Variants in MYOZ2 observed in about 807,000 individuals in gnomAD.
MYOZ2 encodes myozenin-2.
Under a neutral mutation model 25.4 loss-of-function variants are expected in MYOZ2, and 19 were observed. The ratio of observed to expected loss-of-function variants is 0.75; its 90% CI spans 0.52 to 1.10. The LOEUF is 1.10. Among genes scored for constraint, MYOZ2 ranks in the 50% least tolerant of loss-of-function variants. The probability of loss-of-function intolerance (pLI) is 0.00; values close to 1 mark genes in which losing one functional copy is unlikely to be tolerated. For missense variants in MYOZ2, 270 were observed against 317.9 expected, an observed-to-expected ratio of 0.85 and a Z score of 1.15; for synonymous variants, 92 against 106.9, an observed-to-expected ratio of 0.86 and a Z score of 0.86.
At chr4:119,152,304 C>G (rs1251890967) in intron 3 of MYOZ2, among the ~76,000 whole-genome samples, 1 of 152,048 alleles carries the variant, frequency 6.6e-6, no homozygotes, top group Non-Finnish European at 1.5e-5. Flanking sequence ...ATAATCCCTA[C>G]CCCATCTGCT....
intron 5 of MYOZ2, among the ~76,000 whole-genome samples, chr4:119,170,384 T>G (rs1470662510): frequency 1.3e-5 from 2 of 152,078 alleles, no homozygotes. Context: ...AAATATTGAC[T>G]ACCACTAGGG....
In MYOZ2 at chr4:119,186,280, T is replaced by G; in HGVS notation, c.*80T>G. On this transcript the variant is annotated 3_prime_UTR_variant, in exon 6 of 6. Transcript: ENST00000307128. ...TATTTTAACTACTGGCAAAGCCACT[T>G]GCATTTTTCATTAGTAGCAACAATA... is the stretch of plus-strand genomic sequence containing the variant. The G allele has an allele frequency of 8.7e-7, 1 of 1,151,558 alleles. No homozygotes were observed. Among genetic ancestry groups the G allele is most frequent in the Non-Finnish European group, 1.3e-6 (1 of 787,980 alleles). The allele number at this position is 1,151,558 out of a possible 1,614,324, so 71.3% of individuals were successfully genotyped here. A position where few individuals can be genotyped will look rare whatever the true frequency, so the allele number is the denominator to read the frequency against.
At chr4:119,173,763 T>G (rs1203191640) in intron 5 of MYOZ2, among the ~76,000 whole-genome samples, 1 of 152,086 alleles carries the variant, frequency 6.6e-6, no homozygotes, top group Non-Finnish European at 1.5e-5. Context: ...CTCCCTCACC[T>G]CAGCTTGCAG....
intron 5 of MYOZ2, 64 bp downstream of exon 5, chr4:119,164,458 A>G: frequency 6.5e-7 from 1 of 1,537,958 alleles, no homozygotes; most frequent in South Asian, 1.1e-5. Context: ...ATCATGGTAC[A>G]GATAACTGAA....
At chr4:119,152,500 A>G (rs1337116978) in intron 3 of MYOZ2, among the ~76,000 whole-genome samples, 1 of 152,118 alleles carries the variant, frequency 6.6e-6, no homozygotes, top group Non-Finnish European at 1.5e-5. Flanking sequence ...TTTAACTACA[A>G]TTCTGAAGAA....
chr4:119,180,728 A>AT (rs1360708374), intron 5 of MYOZ2, among the ~76,000 whole-genome samples: 2 of 151,670 alleles, frequency 1.3e-5, no homozygotes, highest in African/African-American at 4.8e-5. Flanking sequence ...TAATTTTTGT[A>AT]TTTTTTTAGT....
At chr4:119,157,205 C>T (rs547060853) in intron 3 of MYOZ2, among the ~76,000 whole-genome samples, 2 of 151,954 alleles carry the variant, frequency 1.3e-5, no homozygotes, top group Admixed American at 6.6e-5. Flanking sequence ...ATGATTTGAC[C>T]TAATCGCTTC....
intron 5 of MYOZ2, among the ~76,000 whole-genome samples, chr4:119,164,776 A>C (rs1578738768): frequency 6.6e-6 from 1 of 152,276 alleles, no homozygotes; most frequent in Middle Eastern, 3.4e-3. Flanking sequence ...ATGCAAGGCT[A>C]TGAGAATTAC....
chr4:119,154,361 T>A (rs1485579045), intron 3 of MYOZ2, among the ~76,000 whole-genome samples: 4 of 152,178 alleles, frequency 2.6e-5, no homozygotes, highest in Admixed American at 2.6e-4. Context: ...CTTTCCAACT[T>A]TTCTGAAAGG....
At chr4:119,170,946 T>G (rs1741934453) in intron 5 of MYOZ2, among the ~76,000 whole-genome samples, 1 of 152,084 alleles carries the variant, frequency 6.6e-6, no homozygotes, top group Non-Finnish European at 1.5e-5. Flanking sequence ...TATCTTAAAA[T>G]GAGTAAAAAT....
At chr4:119,161,361 A>G (rs762876508) in intron 4 of MYOZ2, among the ~76,000 whole-genome samples, 1 of 152,180 alleles carries the variant, frequency 6.6e-6, no homozygotes, top group Non-Finnish European at 1.5e-5. Flanking sequence ...TAAACAAACT[A>G]TAATTATTCC....
chr4:119,173,944 G>A (rs1741997946), intron 5 of MYOZ2, among the ~76,000 whole-genome samples: 1 of 152,242 alleles, frequency 6.6e-6, no homozygotes, highest in Non-Finnish European at 1.5e-5. Flanking sequence ...GCGGCGGTGG[G>A]GGGTGTACTG....
chr4:119,182,246 T>C (rs1033087), intron 5 of MYOZ2, among the ~76,000 whole-genome samples: 52,837 of 152,094 alleles, frequency 0.35, 10,421 homozygotes, highest in East Asian at 0.52. Flanking sequence ...ATATTTAGCT[T>C]CTAGCAAATT....
At chr4:119,174,889 G>A (rs1162284818) in intron 5 of MYOZ2, among the ~76,000 whole-genome samples, 1 of 152,090 alleles carries the variant, frequency 6.6e-6, no homozygotes, top group Non-Finnish European at 1.5e-5. Context: ...CTGAAGCAGT[G>A]AGACCACGAG....
At chr4:119,154,167 T>C (rs544789693) in intron 3 of MYOZ2, among the ~76,000 whole-genome samples, 67 of 152,254 alleles carry the variant, frequency 4.4e-4, no homozygotes, top group Non-Finnish European at 8.1e-4. Flanking sequence ...ACTTCTACCA[T>C]GTATGTGGCA....
At chr4:119,168,149 TTTTTAGTAGAGACAGGG>T (rs1420380279) in intron 5 of MYOZ2, among the ~76,000 whole-genome samples, 1 of 152,186 alleles carries the variant, frequency 6.6e-6, no homozygotes, top group East Asian at 1.9e-4. Context: ...ATTTTTTGTA[TTTTTAGTAGAGACAGGG>T]TTTCACTGTG....
At chr4:119,137,034 T>C (rs1741045811) in intron 2 of MYOZ2, among the ~76,000 whole-genome samples, 1 of 152,182 alleles carries the variant, frequency 6.6e-6, no homozygotes. Flanking sequence ...TATCAAGCTA[T>C]TAAGTTGGAA....
At position 119,142,919 on chromosome 4, in the gene MYOZ2, T is replaced by C. The variant is rs374248910; in HGVS notation, c.76+6318T>C. The stretch of plus-strand genomic sequence containing the variant: ...ATAACTGTTGCACTCCATTTTGTGC[T>C]GCTATAACAGAATACCTGAGATTGG... On this transcript the variant is annotated intron_variant, in intron 2 of 5. Coordinates refer to ENST00000307128, the MANE Select transcript of MYOZ2 (RefSeq NM_016599.5). 7.2e-5 allele frequency among the ~76,000 whole-genome samples: 11 copies of C among 152,300 alleles called. No homozygotes were observed. In the East Asian group the frequency reaches 1.5e-3, roughly 21 times the overall value.
Position 119,186,198 on chromosome 4 carries a change from T to C in MYOZ2, c.793T>C (p.Ter265ArgextTer11), listed in dbSNP as rs1450198422. 2 of 1,608,986 alleles carry C rather than the reference T, an allele frequency of 1.2e-6. No homozygotes were observed. Among genetic ancestry groups the C allele is most frequent in the South Asian group, 1.1e-5 (1 of 90,976 alleles). The change falls in exon 6 of 6, where the codon TGA becomes CGA. Residue 265 changes from the stop codon to arginine (R), a stop_lost. Transcript: ENST00000307128. ...DTTVPESEDL[*>R] ...CACTGTACCAGAATCAGAAGACCTA[T>C]GAAAAGAAAGTTGTATGTGCCACAT...
Sources: allele counts gnomAD v4.1 joint callset (sites outside exome capture counted in the v4.1 genomes callset), GRCh38; gene constraint gnomAD v4.1.1; transcripts MANE v1.5; gene names NCBI Gene and HGNC (gene_info 2026-07-23, HGNC 2026-07-21).